The following CAMK1D variants were observed in gnomAD, a reference collection of about 807,000 sequenced individuals.
CAMK1D encodes calcium/calmodulin-dependent protein kinase type 1D.
CAMK1D carries 9 observed loss-of-function variants against 47.7 expected under a neutral mutation model. The observed-to-expected ratio is 0.19, with a 90% CI of 0.11 to 0.33. CAMK1D has a LOEUF of 0.33. CAMK1D is among the 10% of genes least tolerant of loss of function. CAMK1D has a pLI of 1.00. For missense variants in CAMK1D, 291 were observed against 488.7 expected, an observed-to-expected ratio of 0.60 and a Z score of 3.81; for synonymous variants, 184 against 184.9, an observed-to-expected ratio of 0.99 and a Z score of 0.04.
chr10:12,786,547 ATTTG>A (rs996615879), intron 5 of CAMK1D, among the ~76,000 whole-genome samples: 5 of 152,150 alleles, frequency 3.3e-5, no homozygotes, highest in South Asian at 2.1e-4. Flanking sequence ...GTATTTTTTT[ATTTG>A]TTTGTTTGTT....
chr10:12,834,909 C>A lies in CAMK1D; in HGVS notation c.*6022C>A, dbSNP rs752513476. ...AGGCTGCGAGAGAGCTAAAAAGGAA[C>A]AAGAACATCAGCTCGGATGTTTGTC... On this transcript the variant is annotated 3_prime_UTR_variant, in exon 11 of 11. Transcript: ENST00000619168. 2.0e-5 allele frequency: 3 copies of A among 152,164 alleles called. No individual in the cohort carries two copies. Among genetic ancestry groups the A allele is most frequent in the Non-Finnish European group, 2.9e-5 (2 of 68,024 alleles). The allele number at this position is 152,164 out of a possible 1,614,324, so 9.4% of individuals were successfully genotyped here.
chr10:12,773,120 A>G (rs1030954872), intron 5 of CAMK1D, among the ~76,000 whole-genome samples: 5 of 152,216 alleles, frequency 3.3e-5, no homozygotes, highest in South Asian at 2.1e-4. Flanking sequence ...GTTCGTATCA[A>G]TCTGTGTCTC....
At chr10:12,558,996 A>G (rs1027786714) in intron 2 of CAMK1D, among the ~76,000 whole-genome samples, 1 of 152,098 alleles carries the variant, frequency 6.6e-6, no homozygotes, top group Non-Finnish European at 1.5e-5. Flanking sequence ...AAAATCACCT[A>G]GGAAGCTCTT....
chr10:12,791,014 A>G (rs945798123), intron 5 of CAMK1D, 144 bp from the exon 6 acceptor site: 3 of 659,536 alleles, frequency 4.5e-6, no homozygotes, highest in Non-Finnish European at 7.9e-6. Context: ...TAAAAAAAAA[A>G]AGCCAACACA....
At chr10:12,361,771 G>A (rs564022082) in intron 1 of CAMK1D, among the ~76,000 whole-genome samples, 23 of 151,610 alleles carry the variant, frequency 1.5e-4, no homozygotes, top group Non-Finnish European at 3.2e-4. Flanking sequence ...GGCCAGGCTG[G>A]TCTCGATCTC....
intron 2 of CAMK1D, among the ~76,000 whole-genome samples, chr10:12,620,519 A>T (rs1185839656): frequency 2.6e-5 from 4 of 152,246 alleles, no homozygotes; most frequent in Admixed American, 2.6e-4. Context: ...CTAATGACCA[A>T]TAATGTTGTA....
chr10:12,573,463 G>A (rs545441259), intron 2 of CAMK1D, among the ~76,000 whole-genome samples: 2 of 152,312 alleles, frequency 1.3e-5, no homozygotes, highest in South Asian at 4.1e-4. Flanking sequence ...CATCATCATC[G>A]TCTAGATATT....
intron 3 of CAMK1D, among the ~76,000 whole-genome samples, chr10:12,751,158 A>G (rs537129490): frequency 1.3e-5 from 2 of 152,234 alleles, no homozygotes; most frequent in African/African-American, 4.8e-5. Flanking sequence ...CGTGAGCTTC[A>G]TGCTGCATGC....
Position 12,538,989 on chromosome 10 carries a change from A to G in CAMK1D, c.93-14236A>G, listed in dbSNP as rs1260044224. On this transcript the variant is annotated intron_variant, in intron 1 of 10. Coordinates refer to ENST00000619168, the MANE Select transcript of CAMK1D (RefSeq NM_153498.4). The stretch of plus-strand genomic sequence containing the variant: ...TCTCAAACAAGACAGGTGGTCTCAA[A>G]CTCCTGTCCTCAAGCAATCCTCCTG... Among the ~76,000 whole-genome samples, 4 of 151,910 alleles carry G rather than the reference A, an allele frequency of 2.6e-5. No individual in the cohort carries two copies. The East Asian group carries it at 7.7e-4, about 29-fold the overall frequency.
At chr10:12,527,656 G>A (rs1835670640) in intron 1 of CAMK1D, among the ~76,000 whole-genome samples, 3 of 152,176 alleles carry the variant, frequency 2.0e-5, no homozygotes, top group African/African-American at 4.8e-5. Flanking sequence ...GATTACAGGC[G>A]TGAGCCACCG....
At chr10:12,734,215 A>C (rs1391765045) in intron 3 of CAMK1D, among the ~76,000 whole-genome samples, 1 of 149,268 alleles carries the variant, frequency 6.7e-6, no homozygotes, top group Non-Finnish European at 1.5e-5. Flanking sequence ...CCAGCTACTC[A>C]AAAGGCTGAA....
intron 3 of CAMK1D, among the ~76,000 whole-genome samples, chr10:12,731,269 A>C (rs747840019): frequency 6.6e-6 from 1 of 152,056 alleles, no homozygotes; most frequent in Non-Finnish European, 1.5e-5. Context: ...GAAGGGAGAG[A>C]ATGTGGAGTA....
At chr10:12,650,241 T>C (rs571532537) in intron 2 of CAMK1D, among the ~76,000 whole-genome samples, 47 of 152,192 alleles carry the variant, frequency 3.1e-4, no homozygotes, top group Non-Finnish European at 6.2e-4. Context: ...TGCCTTCCTG[T>C]GCAGGGCTCA....
At chr10:12,705,750 G>A (rs140190875) in intron 3 of CAMK1D, among the ~76,000 whole-genome samples, 1 of 152,228 alleles carries the variant, frequency 6.6e-6, no homozygotes, top group Non-Finnish European at 1.5e-5. Context: ...CATGCTTTCT[G>A]TCAGTATCAT....
At chr10:12,795,939 G>A (rs754430338) in intron 6 of CAMK1D, among the ~76,000 whole-genome samples, 10 of 152,182 alleles carry the variant, frequency 6.6e-5, no homozygotes, top group Non-Finnish European at 1.2e-4. Flanking sequence ...TGTGATAAGC[G>A]TGTTGGTGTC....
chr10:12,440,137 G>A (rs1372642361), intron 1 of CAMK1D, among the ~76,000 whole-genome samples: 1 of 152,174 alleles, frequency 6.6e-6, no homozygotes, highest in East Asian at 1.9e-4. Flanking sequence ...TCTAGCAGCA[G>A]ATTGTCTAAG....
At chr10:12,469,160 T>G (rs1341512812) in intron 1 of CAMK1D, among the ~76,000 whole-genome samples, 1 of 152,084 alleles carries the variant, frequency 6.6e-6, no homozygotes, top group South Asian at 2.1e-4. Context: ...TGTTGTATTC[T>G]GGGACCCTTG....
chr10:12,678,388 C>G (rs1840882439), intron 3 of CAMK1D, among the ~76,000 whole-genome samples: 1 of 152,170 alleles, frequency 6.6e-6, no homozygotes, highest in African/African-American at 2.4e-5. Context: ...TTTATTGACA[C>G]TATTTTGTGG....
intron 3 of CAMK1D, among the ~76,000 whole-genome samples, chr10:12,747,331 G>A (rs1209991876): frequency 6.6e-6 from 1 of 152,068 alleles, no homozygotes; most frequent in Non-Finnish European, 1.5e-5. Flanking sequence ...TAAGAGACAA[G>A]GTCTCACTCT....
Sources: gnomAD v4.1 joint callset for allele counts (sites outside exome capture counted in the v4.1 genomes callset) on GRCh38, gnomAD v4.1.1 for gene constraint, MANE v1.5 for transcripts, NCBI Gene and HGNC (gene_info 2026-07-23, HGNC 2026-07-21) for gene names.